SHANK2: variants seen among roughly 807,000 people sequenced by gnomAD.
SHANK2 encodes SH3 and multiple ankyrin repeat domains protein 2.
A neutral mutation model predicts 133.7 loss-of-function variants in SHANK2; 43 were observed. The observed-to-expected ratio is 0.32, with a 90% CI of 0.25 to 0.41. The LOEUF (loss-of-function observed/expected upper bound fraction) is 0.41. Ranked by LOEUF, SHANK2 falls within the 10% of genes least tolerant of loss-of-function variation. The pLI is 1.00. For missense variants in SHANK2, 1,994 were observed against 2,235.8 expected, an observed-to-expected ratio of 0.89 and a Z score of 2.18; for synonymous variants, 1,017 against 952.8, an observed-to-expected ratio of 1.07 and a Z score of -1.24.
intron 11 of SHANK2, among the ~76,000 whole-genome samples, chr11:70,888,326 C>T (rs370271010): frequency 6.8e-4 from 103 of 152,308 alleles, no homozygotes; most frequent in African/African-American, 2.4e-3. Context: ...TCAAACCCAA[C>T]ACAGCCCACT....
At chr11:70,916,496 T>C (rs565547105) in intron 10 of SHANK2, among the ~76,000 whole-genome samples, 2 of 152,310 alleles carry the variant, frequency 1.3e-5, no homozygotes, top group South Asian at 4.1e-4. Context: ...CATGTGTATG[T>C]GTGTGCGTGT....
Position 71,175,586 on chromosome 11 carries a change from GAGAGAGAGAGAGAGAGAC to G in SHANK2, c.-12-28266_-12-28249del, listed in dbSNP as rs1953423652. 7.2e-5 allele frequency among the ~76,000 whole-genome samples: 10 copies of G among 138,646 alleles called. No homozygotes were observed. The highest frequency in any genetic ancestry group is 2.7e-4 in the African/African-American group (10 of 36,552). 91.0% of individuals were successfully genotyped at this position (138,646 alleles called of 152,430 possible). On this transcript the variant is annotated intron_variant, in intron 2 of 25. Coordinates refer to ENST00000601538, the MANE Select transcript of SHANK2 (RefSeq NM_012309.5). This position sits in a 1 kb window ranked among gnomAD's most constrained non-coding sequence, Gnocchi z 4.2. The stretch of plus-strand genomic sequence containing the variant: ...AGAGAGAGAGAGAGAGAGAGAGAGA[GAGAGAGAGAGAGAGAGAC>G]AGAGACAGAGACATCGCTTCCAGCC...
At position 70,589,502 on chromosome 11, in the gene SHANK2, A is replaced by T. The variant is rs955181002; in HGVS notation, c.2061+70326T>A. On this transcript the variant is annotated intron_variant, in intron 17 of 25. Coordinates refer to ENST00000601538, the MANE Select transcript of SHANK2 (RefSeq NM_012309.5). ...TGGTCACCCAAGGTCTCTGCTGGAG[A>T]TGTAAAAGGAAATTAATGCTGTTAT... Among the ~76,000 whole-genome samples the T allele has an allele frequency of 2.6e-5, 4 of 152,204 alleles. No homozygotes were observed. In the South Asian group the frequency reaches 8.3e-4, roughly 32 times the overall value.
At chr11:71,112,441 G>C (rs1231857608) in intron 5 of SHANK2, among the ~76,000 whole-genome samples, 2 of 152,162 alleles carry the variant, frequency 1.3e-5, no homozygotes, top group Non-Finnish European at 2.9e-5. Flanking sequence ...AGGAGGAGGG[G>C]CAGCAAAACA....
intron 10 of SHANK2, among the ~76,000 whole-genome samples, chr11:70,905,003 C>G (rs987881817): frequency 6.6e-6 from 1 of 152,110 alleles, no homozygotes; most frequent in Non-Finnish European, 1.5e-5. Flanking sequence ...TGAAAATGGA[C>G]TAATACAGTG....
intron 2 of SHANK2, among the ~76,000 whole-genome samples, chr11:71,211,192 CTTTTTTTT>C (rs34505384): frequency 3.9e-5 from 4 of 101,970 alleles, no homozygotes; most frequent in Middle Eastern, 0.012. Flanking sequence ...GGTCAATTTC[CTTTTTTTT>C]TTTTTTTTTT....
intron 13 of SHANK2, among the ~76,000 whole-genome samples, chr11:70,802,519 G>C (rs1464642438): frequency 1.3e-5 from 2 of 152,196 alleles, no homozygotes; most frequent in Non-Finnish European, 2.9e-5. Context: ...TGTTTCTCCT[G>C]TTCTGTACCC....
In SHANK2 at chr11:70,878,120, G is replaced by A. The variant is rs1030482783; in HGVS notation, c.1174+18381C>T. Among the ~76,000 whole-genome samples the A allele has an allele frequency of 4.6e-5, 7 of 152,196 alleles. No homozygotes were observed. In the South Asian group the frequency reaches 1.0e-3, roughly 23 times the overall value. On this transcript the variant is annotated intron_variant, in intron 11 of 25. Coordinates refer to ENST00000601538, the MANE Select transcript of SHANK2 (RefSeq NM_012309.5). ...TCCCAGACACAGGAAGGAAGGTGTC[G>A]CCTTTATGGCCTTCGCTCTGTGGAT...
chr11:70,661,253 C>T (rs2061483465), intron 16 of SHANK2, among the ~76,000 whole-genome samples: 1 of 152,110 alleles, frequency 6.6e-6, no homozygotes, highest in South Asian at 2.1e-4. Context: ...TCTGGCTCAA[C>T]TAGAACACAA....
Position 70,488,786 on chromosome 11 carries a change from TA to T in SHANK2, c.2572+541del, listed in dbSNP as rs2058847412. ...CAAGTGTGGCTGACCTGGCACAAAG[TA>T]TGAGTTGACCTAATGAAAATATGTG... On this transcript the variant is annotated intron_variant, in intron 24 of 25. Transcript: ENST00000601538. Among the ~76,000 whole-genome samples, 5 of 152,306 alleles carry T rather than the reference TA, an allele frequency of 3.3e-5. No homozygotes were observed. The South Asian group carries it at 1.0e-3, about 32-fold the overall frequency.
chr11:71,231,852 G>A (rs1555122984), intron 1 of SHANK2, among the ~76,000 whole-genome samples: 1 of 151,654 alleles, frequency 6.6e-6, no homozygotes, highest in Admixed American at 6.6e-5. Flanking sequence ...TCATGCCACT[G>A]CACTCCAGCC....
chr11:70,769,037 G>A (rs778193419), intron 14 of SHANK2, among the ~76,000 whole-genome samples: 2 of 152,128 alleles, frequency 1.3e-5, no homozygotes, highest in Non-Finnish European at 2.9e-5. Flanking sequence ...GTCTGTCCAC[G>A]CTAGGCCACC....
chr11:70,873,856 G>C (rs1949511562), intron 11 of SHANK2, among the ~76,000 whole-genome samples: 1 of 151,798 alleles, frequency 6.6e-6, no homozygotes. Context: ...TTCATTCCTA[G>C]CACCAGCCTC....
At chr11:71,234,362 AAAATAAATAAATAAAT>A (rs60796828) in intron 1 of SHANK2, among the ~76,000 whole-genome samples, 134 of 141,098 alleles carry the variant, frequency 9.5e-4, no homozygotes, top group East Asian at 5.0e-3. Context: ...ACTCATCTCA[AAAATAAATAAATAAAT>A]AAATAAATAA....
intron 11 of SHANK2, among the ~76,000 whole-genome samples, chr11:70,834,405 C>A (rs556248389): frequency 6.0e-4 from 92 of 152,328 alleles, no homozygotes; most frequent in African/African-American, 2.2e-3. Context: ...CAGTGGCCCA[C>A]CAGCCCAAGC....
At chr11:71,086,405 T>C (rs1951416996) in intron 8 of SHANK2, among the ~76,000 whole-genome samples, 1 of 131,686 alleles carries the variant, frequency 7.6e-6, no homozygotes, top group Non-Finnish European at 1.5e-5. Context: ...TGATATATTA[T>C]TTATAATATA....
In SHANK2 at chr11:70,883,630, C is replaced by T. The variant is rs79466654; in HGVS notation, c.1174+12871G>A. Among the ~76,000 whole-genome samples, 1,105 of 152,252 alleles carry T rather than the reference C, an allele frequency of 7.3e-3. 14 individuals are homozygous for T. The highest frequency in any genetic ancestry group is 0.025 in the African/African-American group (1,049 of 41,560). Reference sequence around the variant, plus strand: ...GGAGCCCACCTGAGAGGGTGTGCTGCGGTGTGGAGCAGGACAGAGCAAAAC... The same window carrying T: ...GGAGCCCACCTGAGAGGGTGTGCTGTGGTGTGGAGCAGGACAGAGCAAAAC... On this transcript the variant is annotated intron_variant, in intron 11 of 25. Coordinates refer to ENST00000601538, the MANE Select transcript of SHANK2 (RefSeq NM_012309.5).
intron 14 of SHANK2, among the ~76,000 whole-genome samples, chr11:70,718,544 G>T (rs1555028086): frequency 6.6e-6 from 1 of 152,180 alleles, no homozygotes; most frequent in Non-Finnish European, 1.5e-5. Context: ...CCTGCATCAG[G>T]GTCAGGGCAC....
chr11:71,123,270 C>T (rs756985111), intron 3 of SHANK2, among the ~76,000 whole-genome samples: 7 of 152,176 alleles, frequency 4.6e-5, no homozygotes, highest in Non-Finnish European at 8.8e-5. Context: ...GCCACAAAGA[C>T]AATAAATAAG....
Sources: allele counts gnomAD v4.1 joint callset (sites outside exome capture counted in the v4.1 genomes callset), GRCh38; gene constraint gnomAD v4.1.1; non-coding constraint Gnocchi (gnomAD v3.1); transcripts MANE v1.5; gene names NCBI Gene and HGNC (gene_info 2026-07-23, HGNC 2026-07-21).